The following ADAMTS12 variants were observed in gnomAD, a reference collection of about 807,000 sequenced individuals.
ADAMTS12 encodes A disintegrin and metalloproteinase with thrombospondin motifs 12.
In ADAMTS12, 118 loss-of-function variants were observed where a neutral mutation model predicts 167.8. That is an observed-to-expected ratio of 0.70 (90% CI 0.61 to 0.82). ADAMTS12 has a LOEUF of 0.82. ADAMTS12 is among the 40% of genes least tolerant of loss of function. The pLI is 0.00. For synonymous variants in ADAMTS12, 704 were observed against 716.9 expected (o/e 0.98, Z 0.29); for missense variants, 1,916 against 1,998.8 (o/e 0.96, Z 0.79).
rs772044152 is a variant in ADAMTS12, at chr5:33,881,448, C to T, written c.160G>A (p.Val54Met). The T allele has an allele frequency of 1.1e-5, 17 of 1,613,418 alleles. No individual in the cohort carries two copies. Among genetic ancestry groups the T allele is most frequent in the South Asian group, 7.7e-5 (7 of 91,064 alleles). The change falls in exon 2 of 24, where the codon GTG (valine) becomes ATG (methionine). Residue 54 changes from valine to methionine, a missense_variant. By Grantham distance (21) the Val-to-Met change is conservative. Transcript: ENST00000504830. ...HFIKGLPEYHVVGPVRVDASG... is the reference protein window; with the variant it reads ...HFIKGLPEYHMVGPVRVDASG... ...GCATCTACTCGGACTGGACCCACCA[C>T]GTGGTATTCTGGCAGGCCCTTGATA...
intron 2 of ADAMTS12, among the ~76,000 whole-genome samples, chr5:33,858,722 G>C (rs1306422483): frequency 6.6e-6 from 1 of 151,608 alleles, no homozygotes; most frequent in Non-Finnish European, 1.5e-5. Context: ...ACCTGGTTAA[G>C]ATGGCCAAAT....
At chr5:33,557,300 T>A (rs192577611) in intron 20 of ADAMTS12, among the ~76,000 whole-genome samples, 1 of 152,298 alleles carries the variant, frequency 6.6e-6, no homozygotes, top group East Asian at 1.9e-4. Flanking sequence ...TGAGAAAGTA[T>A]CTGTGAAAAG....
At chr5:33,747,121 G>A (rs756647218) in intron 3 of ADAMTS12, among the ~76,000 whole-genome samples, 32 of 152,006 alleles carry the variant, frequency 2.1e-4, no homozygotes, top group Admixed American at 3.9e-4. Flanking sequence ...TTTTTGCTCC[G>A]GGGAAAAAAG....
intron 5 of ADAMTS12, among the ~76,000 whole-genome samples, chr5:33,662,753 T>C (rs755636257): frequency 6.6e-6 from 1 of 152,240 alleles, no homozygotes; most frequent in Non-Finnish European, 1.5e-5. Context: ...ACTTGCTGAA[T>C]GGGGAGAAGA....
intron 17 of ADAMTS12, among the ~76,000 whole-genome samples, chr5:33,590,136 G>C (rs1025593194): frequency 6.6e-6 from 1 of 152,168 alleles, no homozygotes; most frequent in African/African-American, 2.4e-5. Context: ...GGCAGGCCAA[G>C]GGAATATATA....
At chr5:33,560,365 G>A (rs1053353363) in intron 20 of ADAMTS12, among the ~76,000 whole-genome samples, 11 of 152,186 alleles carry the variant, frequency 7.2e-5, no homozygotes, top group African/African-American at 2.4e-4. Context: ...TCAGTGTGGC[G>A]ATTCCTCAGG....
chr5:33,724,209 A>G (rs919108928), intron 3 of ADAMTS12, among the ~76,000 whole-genome samples: 2 of 152,190 alleles, frequency 1.3e-5, no homozygotes, highest in African/African-American at 4.8e-5. Flanking sequence ...TTAAAACATA[A>G]AGCCCTTACT....
chr5:33,790,005 A>G (rs1024552209), intron 2 of ADAMTS12, among the ~76,000 whole-genome samples: 1 of 152,212 alleles, frequency 6.6e-6, no homozygotes, highest in Admixed American at 6.5e-5. Flanking sequence ...TTTCAAACAT[A>G]ACCACAATAT....
intron 3 of ADAMTS12, among the ~76,000 whole-genome samples, chr5:33,709,877 A>G (rs1743331982): frequency 6.6e-6 from 1 of 152,198 alleles, no homozygotes; most frequent in East Asian, 1.9e-4. Flanking sequence ...AATAGAAAAA[A>G]ACAAGTCAAA....
intron 16 of ADAMTS12, among the ~76,000 whole-genome samples, chr5:33,601,192 A>AT (rs1015908127): frequency 4.3e-4 from 65 of 151,664 alleles, no homozygotes; most frequent in African/African-American, 1.4e-3. Flanking sequence ...CTGGTTTTGA[A>AT]TCCTGCTTTT....
intron 5 of ADAMTS12, among the ~76,000 whole-genome samples, chr5:33,666,307 T>C (rs954866590): frequency 6.6e-6 from 1 of 152,198 alleles, no homozygotes; most frequent in Non-Finnish European, 1.5e-5. Context: ...AATAACGTCC[T>C]GCTAATAACC....
chr5:33,744,061 T>C (rs1458729019), intron 3 of ADAMTS12, among the ~76,000 whole-genome samples: 1 of 152,202 alleles, frequency 6.6e-6, no homozygotes, highest in Non-Finnish European at 1.5e-5. Flanking sequence ...AGTTCAATAC[T>C]TCAGTTGAAC....
intron 20 of ADAMTS12, among the ~76,000 whole-genome samples, chr5:33,558,123 T>C (rs1166563588): frequency 1.3e-5 from 2 of 152,126 alleles, no homozygotes; most frequent in Non-Finnish European, 2.9e-5. Context: ...GCACAATAAA[T>C]GTAATGTGCT....
chr5:33,543,814 C>G (rs1034244583), intron 22 of ADAMTS12, among the ~76,000 whole-genome samples: 1 of 152,172 alleles, frequency 6.6e-6, no homozygotes, highest in Non-Finnish European at 1.5e-5. Context: ...TTCAACACCC[C>G]TTCATGCTAA....
At chr5:33,732,350 TAAG>T (rs1744222601) in intron 3 of ADAMTS12, among the ~76,000 whole-genome samples, 1 of 152,008 alleles carries the variant, frequency 6.6e-6, no homozygotes, top group Non-Finnish European at 1.5e-5. Flanking sequence ...AAATCTTACA[TAAG>T]AAGAGATAAA....
intron 3 of ADAMTS12, among the ~76,000 whole-genome samples, chr5:33,744,140 A>G (rs1371623728): frequency 6.6e-6 from 1 of 152,216 alleles, no homozygotes; most frequent in Non-Finnish European, 1.5e-5. Flanking sequence ...ATAAGCAGAC[A>G]TGATTCCTGT....
intron 2 of ADAMTS12, among the ~76,000 whole-genome samples, chr5:33,873,980 T>G (rs1461932906): frequency 6.6e-6 from 1 of 152,156 alleles, no homozygotes; most frequent in East Asian, 1.9e-4. Flanking sequence ...TTCTTAGAGA[T>G]AATACAGGAG....
intron 2 of ADAMTS12, among the ~76,000 whole-genome samples, chr5:33,847,748 G>A (rs1166943601): frequency 1.3e-5 from 2 of 152,210 alleles, no homozygotes; most frequent in African/African-American, 4.8e-5. Flanking sequence ...GTAGCAGTAA[G>A]TTAGGCAAAG....
At chr5:33,614,145 G>A in intron 16 of ADAMTS12, 93 bp downstream of exon 16, 1 of 1,491,236 alleles carries the variant, frequency 6.7e-7, no homozygotes, top group South Asian at 1.3e-5. Flanking sequence ...CAGATCCATG[G>A]GCAGAGAGCA....
Sources: allele counts gnomAD v4.1 joint callset (sites outside exome capture counted in the v4.1 genomes callset), GRCh38; gene constraint gnomAD v4.1.1; transcripts MANE v1.5; gene names NCBI Gene and HGNC (gene_info 2026-07-23, HGNC 2026-07-21).